ZNF254: variants seen among roughly 807,000 people sequenced by gnomAD.
The protein encoded by ZNF254 is CTD-2017D11.1.
ZNF254 carries 10 observed loss-of-function variants against 12.4 expected under a neutral mutation model. That is an observed-to-expected ratio of 0.80 (90% CI 0.50 to 1.36). The LOEUF is 1.36. Among genes scored for constraint, ZNF254 ranks in the 40% most tolerant of loss-of-function variants. The pLI, the probability that ZNF254 is intolerant of heterozygous loss-of-function variation, is 0.00. For missense variants in ZNF254, 996 were observed against 763.9 expected (o/e 1.30, Z -3.58); for synonymous variants, 305 against 253.4 (o/e 1.20, Z -1.93).
chr19:24,068,845 TTA>T (rs1971374590), intron 2 of ZNF254, among the ~76,000 whole-genome samples: 1 of 152,126 alleles, frequency 6.6e-6, no homozygotes, highest in African/African-American at 2.4e-5. Context: ...AATAAAAGAG[TTA>T]TAGTCTCTCC....
chr19:24,105,573 A>C (rs933588651), intron 1 of ZNF254: 4 of 227,792 alleles, frequency 1.8e-5, no homozygotes, highest in African/African-American at 9.5e-5. Flanking sequence ...CTAACTCAAG[A>C]TGTCTATTTT....
intron 1 of ZNF254, among the ~76,000 whole-genome samples, chr19:24,035,108 G>A (rs1052834499): frequency 3.3e-5 from 5 of 152,214 alleles, no homozygotes; most frequent in Non-Finnish European, 7.3e-5. Context: ...AGAACATGGT[G>A]AAAGCAGATG....
At chr19:24,041,726 C>T (rs1015035271) in intron 1 of ZNF254, among the ~76,000 whole-genome samples, 16 of 152,362 alleles carry the variant, frequency 1.1e-4, no homozygotes, top group African/African-American at 3.8e-4. Flanking sequence ...TGGCAGGCAG[C>T]TTCACCTGCA....
intron 3 of ZNF254, among the ~76,000 whole-genome samples, chr19:24,122,861 A>T (rs1288718747): frequency 6.6e-6 from 1 of 152,212 alleles, no homozygotes; most frequent in Non-Finnish European, 1.5e-5. Flanking sequence ...GTGAAAGTTT[A>T]TATATGTGCT....
chr19:24,086,430 C>A (rs941332617), upstream of ZNF254, among the ~76,000 whole-genome samples: 1 of 151,894 alleles, frequency 6.6e-6, no homozygotes, highest in Non-Finnish European at 1.5e-5. Flanking sequence ...CTCAGCCACC[C>A]GAGAAGCTGG....
At chr19:24,110,527 T>C (rs1305676904) in intron 3 of ZNF254, among the ~76,000 whole-genome samples, 1 of 152,026 alleles carries the variant, frequency 6.6e-6, no homozygotes, top group Non-Finnish European at 1.5e-5. Context: ...AATTGTGCCA[T>C]TGCGTGCAAG....
intron 1 of ZNF254, among the ~76,000 whole-genome samples, chr19:24,040,255 A>G (rs908264105): frequency 1.3e-5 from 2 of 152,210 alleles, no homozygotes; most frequent in Admixed American, 1.3e-4. Flanking sequence ...CAGAAGTGTA[A>G]AACGGGTGTC....
chr19:24,101,191 G>A (rs1365458940), intron 1 of ZNF254, among the ~76,000 whole-genome samples: 3 of 152,138 alleles, frequency 2.0e-5, no homozygotes, highest in African/African-American at 7.2e-5. Context: ...ATTTTCTAGA[G>A]CAGCCTCTAT....
Position 24,129,819 on chromosome 19 carries a change from C to A in ZNF254, c.*1839C>A, listed in dbSNP as rs1487314073. ...ACAAACGTGTAAAATCTATACATTT[C>A]TGAGTTCTGAATAAATATTTTTAAA... is the stretch of plus-strand genomic sequence containing the variant. On this transcript the variant is annotated 3_prime_UTR_variant, in exon 4 of 4. Transcript: ENST00000357002. 1.3e-5 allele frequency: 2 copies of A among 151,770 alleles called. No homozygotes were observed. Among genetic ancestry groups the A allele is most frequent in the African/African-American group, 2.4e-5 (1 of 41,364 alleles). The allele number at this position is 151,770 out of a possible 1,614,324, so 9.4% of individuals were successfully genotyped here.
chr19:24,063,028 T>A (rs1971135643), intron 2 of ZNF254, among the ~76,000 whole-genome samples: 1 of 151,944 alleles, frequency 6.6e-6, no homozygotes, highest in Admixed American at 6.6e-5. Context: ...CTTGAACTCC[T>A]GACCTCAAGT....
chr19:24,033,714 AG>A (rs137895050), intron 1 of ZNF254: 46,196 of 272,212 alleles, frequency 0.17, 4,403 homozygotes, highest in Middle Eastern at 0.26. Flanking sequence ...TTCCGACCTG[AG>A]GTCCCTGCTG....
In ZNF254 at chr19:24,081,665, G is replaced by T. The variant is rs74999536; in HGVS notation, c.-93-24275G>T. Among the ~76,000 whole-genome samples the T allele has an allele frequency of 3.0e-3, 451 of 152,244 alleles. 1 individual carries two copies. The highest frequency in any genetic ancestry group is 0.01 in the African/African-American group (436 of 41,554). Reference sequence around the variant, plus strand: ...CTCCTCCTTTAGTAAGGCCTGTTCAGCATAGAGGAGCATACCCTGGTGAAG... The same window carrying T: ...CTCCTCCTTTAGTAAGGCCTGTTCATCATAGAGGAGCATACCCTGGTGAAG... On this transcript the variant is annotated intron_variant, in intron 2 of 4. Transcript: ENST00000613065.
chr19:24,082,294 TTTTA>T (rs1424566052), upstream of ZNF254, among the ~76,000 whole-genome samples: 2 of 150,508 alleles, frequency 1.3e-5, no homozygotes, highest in East Asian at 2.0e-4. Context: ...TTCAAAATTA[TTTTA>T]TTTAATTTTT....
At chr19:24,048,809 G>T (rs993987100) in intron 2 of ZNF254, 4 of 152,030 alleles carry the variant, frequency 2.6e-5, no homozygotes, top group African/African-American at 9.7e-5. Context: ...GCTAACTACA[G>T]CCTCGACCTC....
At chr19:24,046,057 A>C (rs1251924234) in intron 1 of ZNF254, 1 of 107,980 alleles carries the variant, frequency 9.3e-6, no homozygotes, top group East Asian at 2.0e-4. Flanking sequence ...GCTGGTAGGA[A>C]ACAGTATTTT....
intron 2 of ZNF254, among the ~76,000 whole-genome samples, chr19:24,050,811 T>C (rs1166116207): frequency 6.6e-6 from 1 of 152,154 alleles, no homozygotes; most frequent in African/African-American, 2.4e-5. Context: ...TGGAGTGCAA[T>C]ACCATGATCT....
rs1014393469 is a variant in ZNF254 at position 24,128,963 on chromosome 19, T to G, written c.*983T>G. On this transcript the variant is annotated 3_prime_UTR_variant, in exon 4 of 4. Transcript: ENST00000357002. ...TCTTAAATTCATGCTGTTTCATCAT[T>G]GCTGGTGTATTCATATGTGAAAGCA... 8.6e-5 allele frequency: 13 copies of G among 151,980 alleles called. No homozygotes were observed. 9.4% of individuals were successfully genotyped at this position (151,980 alleles called of 1,614,324 possible). A position where few individuals can be genotyped will look rare whatever the true frequency, so the allele number is the denominator to read the frequency against.
chr19:24,110,929 T>G (rs1973635102), intron 3 of ZNF254, among the ~76,000 whole-genome samples: 1 of 151,594 alleles, frequency 6.6e-6, no homozygotes, highest in South Asian at 2.1e-4. Context: ...GCAGGGTGAA[T>G]CTATATTTCC....
intron 1 of ZNF254, chr19:24,098,986 C>CTTTTTT (rs1972833206): frequency 9.1e-6 from 1 of 109,396 alleles, no homozygotes; most frequent in African/African-American, 4.5e-5. Flanking sequence ...TCAGGCTTCG[C>CTTTTTT]TCTTTTTTTT....
Sources: gnomAD v4.1 joint callset for allele counts (sites outside exome capture counted in the v4.1 genomes callset) on GRCh38, gnomAD v4.1.1 for gene constraint, MANE v1.5 for transcripts, NCBI Gene and HGNC (gene_info 2026-07-23, HGNC 2026-07-21) for gene names.